ZMYM2: variants seen among roughly 807,000 people sequenced by gnomAD.
ZMYM2 encodes zinc finger MYM-type containing 2.
In ZMYM2, 56 loss-of-function variants were observed where a neutral mutation model predicts 162.8. That is an observed-to-expected ratio of 0.34 (90% confidence interval 0.28 to 0.43). ZMYM2 has a LOEUF of 0.43. ZMYM2 is among the 20% of genes least tolerant of loss of function. The pLI, the probability that ZMYM2 is intolerant of heterozygous loss-of-function variation, is 1.00. For synonymous variants in ZMYM2, 510 were observed against 541.6 expected (o/e 0.94, Z 0.81); for missense variants, 1,275 against 1,621.8 (o/e 0.79, Z 3.67).
chr13:19,966,684 G>C (rs1402125801), intron 2 of ZMYM2, among the ~76,000 whole-genome samples: 1 of 151,224 alleles, frequency 6.6e-6, no homozygotes, highest in African/African-American at 2.4e-5. Flanking sequence ...CAGGTGATCT[G>C]CCTGCCTTGG....
At chr13:19,998,203 AC>A (rs916794750) in intron 3 of ZMYM2, among the ~76,000 whole-genome samples, 1 of 152,234 alleles carries the variant, frequency 6.6e-6, no homozygotes, top group Non-Finnish European at 1.5e-5. Context: ...GGGAAAATTT[AC>A]CAGCTATCCT....
the ZMYM2 span, among the ~76,000 whole-genome samples, chr13:19,904,264 AT>A: frequency 1.3e-5 from 2 of 152,142 alleles, no homozygotes; most frequent in Admixed American, 1.3e-4. Context: ...TTTTTAAAAA[AT>A]AATACTGTTG....
intron 2 of ZMYM2, among the ~76,000 whole-genome samples, chr13:19,973,760 C>T (rs573398857): frequency 1.2e-4 from 18 of 151,802 alleles, no homozygotes; most frequent in East Asian, 9.7e-4. Context: ...GTCCAATCCG[C>T]GGCCCGCAGG....
chr13:20,082,273 C>G (rs1957962563), intron 22 of ZMYM2, 143 bp downstream of exon 22: 6 of 654,976 alleles, frequency 9.2e-6, no homozygotes, highest in Non-Finnish European at 1.5e-5. Context: ...TGCCTTTCAT[C>G]TCTTGTTGAA....
intron 9 of ZMYM2, among the ~76,000 whole-genome samples, chr13:20,029,219 A>G (rs925765780): frequency 1.3e-5 from 2 of 152,196 alleles, no homozygotes; most frequent in South Asian, 2.1e-4. Flanking sequence ...CATAGATGGT[A>G]CCTTCTTGCT....
the ZMYM2 span, among the ~76,000 whole-genome samples, chr13:19,883,233 G>A: frequency 6.6e-6 from 1 of 152,172 alleles, no homozygotes; most frequent in African/African-American, 2.4e-5. Flanking sequence ...GTGGTTTCCA[G>A]GGGGTGGAAA....
intron 14 of ZMYM2, among the ~76,000 whole-genome samples, chr13:20,054,818 A>C (rs1203063069): frequency 6.6e-6 from 1 of 152,142 alleles, no homozygotes; most frequent in Non-Finnish European, 1.5e-5. Flanking sequence ...GAACTTTCCT[A>C]ATGCCTGGTA....
At position 20,052,276 on chromosome 13, in the gene ZMYM2, GATC is replaced by G; in HGVS notation, c.2460_2462del (p.Asp820_Gln821delinsGlu). 1 of 1,560,078 alleles carries G rather than the reference GATC, an allele frequency of 6.4e-7. No individual in the cohort carries two copies. ...ATTTTAAATTTTTTTGTGTTTTTTA[GATC>G]AGGGTTGTCAGACATCTCGAACCAA... On this transcript the variant is annotated inframe_deletion and splice_region_variant, in exon 14 of 25. Coordinates refer to ENST00000610343, the MANE Select transcript of ZMYM2 (RefSeq NM_197968.4).
At chr13:20,055,966 AC>A in intron 14 of ZMYM2, among the ~76,000 whole-genome samples, 1 of 152,324 alleles carries the variant, frequency 6.6e-6, no homozygotes, top group East Asian at 1.9e-4. Context: ...AGATCAAGAT[AC>A]TATGGAAGAA....
intron 2 of ZMYM2, among the ~76,000 whole-genome samples, chr13:19,976,389 ACT>A (rs547082334): frequency 1.3e-5 from 2 of 151,856 alleles, no homozygotes; most frequent in Non-Finnish European, 2.9e-5. Context: ...GTGAAATGGT[ACT>A]TTTTTTTTCT....
the ZMYM2 span, among the ~76,000 whole-genome samples, chr13:19,867,089 A>T: frequency 6.6e-6 from 1 of 152,204 alleles, no homozygotes; most frequent in Non-Finnish European, 1.5e-5. Context: ...GCGGTGGCTC[A>T]CGCCTGTAAT....
chr13:19,912,155 C>T, the ZMYM2 span, among the ~76,000 whole-genome samples: 6 of 152,182 alleles, frequency 3.9e-5, no homozygotes, highest in Non-Finnish European at 8.8e-5. Context: ...CTTTCTTCTC[C>T]ACACTGTCCG....
intron 2 of ZMYM2, among the ~76,000 whole-genome samples, chr13:19,984,597 G>C (rs1044245520): frequency 2.0e-5 from 3 of 152,236 alleles, no homozygotes; most frequent in Admixed American, 6.5e-5. Context: ...GGAGGTAGAA[G>C]AGTGGCGGCT....
At chr13:20,016,296 CT>C (rs889758487) in intron 6 of ZMYM2, among the ~76,000 whole-genome samples, 1 of 152,026 alleles carries the variant, frequency 6.6e-6, no homozygotes, top group African/African-American at 2.4e-5. Context: ...TCTGTTCCCT[CT>C]TTTTGTTATA....
chr13:19,976,029 T>G (rs1258837673), intron 2 of ZMYM2, among the ~76,000 whole-genome samples: 1 of 151,988 alleles, frequency 6.6e-6, no homozygotes, highest in African/African-American at 2.4e-5. Flanking sequence ...CTGACCTCCT[T>G]TTTTAGAAAA....
chr13:19,919,032 T>C, the ZMYM2 span, among the ~76,000 whole-genome samples: 1 of 152,174 alleles, frequency 6.6e-6, no homozygotes, highest in Admixed American at 6.6e-5. Context: ...TCTACCGCCT[T>C]TCCCTAATTC....
At chr13:19,974,449 CT>C (rs1193839522) in intron 2 of ZMYM2, among the ~76,000 whole-genome samples, 1 of 149,252 alleles carries the variant, frequency 6.7e-6, no homozygotes, top group African/African-American at 2.5e-5. Context: ...TTGTTTAAAT[CT>C]TTTGATTTTA....
chr13:19,959,464 A>T (rs1594003213), intron 1 of ZMYM2, among the ~76,000 whole-genome samples: 1 of 151,812 alleles, frequency 6.6e-6, no homozygotes, highest in African/African-American at 2.4e-5. Context: ...CTAATGGCGG[A>T]CGGGGAGGCA....
intron 9 of ZMYM2, 67 bp downstream of exon 9, chr13:20,027,385 A>G: frequency 8.5e-7 from 1 of 1,183,224 alleles, no homozygotes; most frequent in Non-Finnish European, 1.2e-6. Flanking sequence ...TCAGTGTAAT[A>G]TAATATGCTT....
Sources: gnomAD v4.1 joint callset for allele counts (sites outside exome capture counted in the v4.1 genomes callset) on GRCh38, gnomAD v4.1.1 for gene constraint, MANE v1.5 for transcripts, NCBI Gene and HGNC (gene_info 2026-07-23, HGNC 2026-07-21) for gene names.